The following FAXC variants were observed in gnomAD, a reference collection of about 807,000 sequenced individuals.
FAXC encodes failed axon connections homolog, metaxin like GST domain containing.
FAXC carries 10 observed loss-of-function variants against 41.9 expected under a neutral mutation model. That is an observed-to-expected ratio of 0.24 (90% CI 0.15 to 0.41). FAXC has a LOEUF of 0.41. Among genes scored for constraint, FAXC ranks in the 10% least tolerant of loss-of-function variants. The probability of loss-of-function intolerance (pLI) is 1.00; values close to 1 mark genes in which losing one functional copy is unlikely to be tolerated. For missense variants in FAXC, 399 were observed against 510.9 expected (o/e 0.78, Z 2.11); for synonymous variants, 183 against 183.8 (o/e 1.00, Z 0.03).
intron 5 of FAXC, among the ~76,000 whole-genome samples, chr6:99,282,006 T>C (rs1261687875): frequency 1.3e-5 from 2 of 152,204 alleles, no homozygotes; most frequent in Non-Finnish European, 1.5e-5. Context: ...TAGGTTTTTA[T>C]GCACATAATA....
chr6:99,291,548 G>T (rs1771241340), intron 5 of FAXC, among the ~76,000 whole-genome samples, 156 bp downstream of exon 5: 1 of 152,204 alleles, frequency 6.6e-6, no homozygotes, highest in Non-Finnish European at 1.5e-5. Context: ...AGTATCCTGA[G>T]TACAGAGAAC....
intron 2 of FAXC, among the ~76,000 whole-genome samples, chr6:99,342,641 G>C (rs997138193): frequency 3.3e-5 from 5 of 152,174 alleles, no homozygotes; most frequent in African/African-American, 1.2e-4. Context: ...ACCGTGCCCA[G>C]CCCAAAGAAT....
At chr6:99,298,383 A>G (rs1182289032) in intron 4 of FAXC, among the ~76,000 whole-genome samples, 4 of 152,058 alleles carry the variant, frequency 2.6e-5, no homozygotes, top group African/African-American at 7.2e-5. Context: ...AAAGCTTTTT[A>G]AAAACACTAA....
chr6:99,280,995 T>C lies in FAXC; in HGVS notation c.*169A>G. ...TTCAATGGAGTCATCTGAATGGTTC[T>C]GTGTTTTGTTTGTACAAAAAAGAAA... On this transcript the variant is annotated 3_prime_UTR_variant, in exon 6 of 6. Transcript: ENST00000389677. The C allele has an allele frequency of 1.7e-6, 1 of 596,654 alleles. No homozygotes were observed. 37.0% of individuals were successfully genotyped at this position (596,654 alleles called of 1,614,324 possible).
At position 99,274,384 on chromosome 6, in the gene FAXC, A is replaced by G. The variant is rs1257613325; in HGVS notation, c.*6780T>C. The G allele has an allele frequency of 6.6e-6, 1 of 152,008 alleles. No individual in the cohort carries two copies. The highest frequency in any genetic ancestry group is 1.5e-5 in the Non-Finnish European group (1 of 67,996). 9.4% of individuals were successfully genotyped at this position (152,008 alleles called of 1,614,324 possible). A position where few individuals can be genotyped will look rare whatever the true frequency, so the allele number is the denominator to read the frequency against. ...CACCTAGAAAACTTTCAATTGCCTGATACATCTCTACCACAGCCATACCAC... is the reference window on the plus strand; with the variant it reads ...CACCTAGAAAACTTTCAATTGCCTGGTACATCTCTACCACAGCCATACCAC... On this transcript the variant is annotated 3_prime_UTR_variant, in exon 6 of 6. Transcript: ENST00000389677.
intron 4 of FAXC, among the ~76,000 whole-genome samples, chr6:99,308,946 C>T (rs1772046306): frequency 6.6e-6 from 1 of 151,942 alleles, no homozygotes; most frequent in Admixed American, 6.6e-5. Flanking sequence ...TTAGGTTGAC[C>T]AAGCACCAAA....
chr6:99,298,850 T>C (rs1027177709), intron 4 of FAXC, among the ~76,000 whole-genome samples: 1 of 152,172 alleles, frequency 6.6e-6, no homozygotes, highest in African/African-American at 2.4e-5. Context: ...ACAAGTAATG[T>C]GGACAGAACC....
intron 4 of FAXC, among the ~76,000 whole-genome samples, chr6:99,316,157 G>GCCC (rs71021722): frequency 5.5e-5 from 8 of 146,244 alleles, no homozygotes; most frequent in South Asian, 2.2e-4. Flanking sequence ...TAACCCACTC[G>GCCC]CCCCCCCCCA....
At chr6:99,348,356 C>A (rs2128466861) in intron 1 of FAXC, among the ~76,000 whole-genome samples, 1 of 152,290 alleles carries the variant, frequency 6.6e-6, no homozygotes, top group East Asian at 1.9e-4. Flanking sequence ...AATCTCGTCC[C>A]GGCTGGATGT....
intron 1 of FAXC, among the ~76,000 whole-genome samples, chr6:99,343,913 T>G (rs943150453): frequency 6.6e-6 from 1 of 152,186 alleles, no homozygotes; most frequent in Non-Finnish European, 1.5e-5. Flanking sequence ...GCTTTTCCCC[T>G]TTCTCCTGTC....
chr6:99,334,513 G>A (rs1227394282), intron 2 of FAXC: 2 of 493,088 alleles, frequency 4.1e-6, no homozygotes, highest in Non-Finnish European at 5.3e-6. Flanking sequence ...CATTATCCCT[G>A]ATGTTACCCC....
intron 4 of FAXC, among the ~76,000 whole-genome samples, chr6:99,293,322 C>T (rs1215497691): frequency 6.6e-6 from 1 of 152,214 alleles, no homozygotes; most frequent in Non-Finnish European, 1.5e-5. Flanking sequence ...CCAACTGCTA[C>T]ACCTTTGCTC....
At chr6:99,284,559 CTGTGTGTGTGTG>C (rs74553398) in intron 5 of FAXC, among the ~76,000 whole-genome samples, 1,393 of 118,898 alleles carry the variant, frequency 0.012, 24 homozygotes, top group African/African-American at 0.047. Context: ...TGTGGAGTGT[CTGTGTGTGTGTG>C]TGTGTGTGTG....
intron 4 of FAXC, among the ~76,000 whole-genome samples, chr6:99,313,216 C>T (rs1772214864): frequency 6.6e-6 from 1 of 152,148 alleles, no homozygotes; most frequent in African/African-American, 2.4e-5. Context: ...TCGCTTGAGC[C>T]CAGGAGATCA....
In FAXC at chr6:99,349,457, A is replaced by C; in HGVS notation, c.-85T>G. On this transcript the variant is annotated 5_prime_UTR_variant, in exon 1 of 6. Transcript: ENST00000389677. ...CCGGCGCGGCCCGGCGCGGGCTCAG[A>C]GGCGCGCGGAGGGCGCGGGCGGCGC... is the stretch of plus-strand genomic sequence containing the variant. The C allele has an allele frequency of 7.0e-6, 7 of 1,002,456 alleles. No homozygotes were observed. Among genetic ancestry groups the C allele is most frequent in the Non-Finnish European group, 8.4e-6 (7 of 836,792 alleles). The allele number at this position is 1,002,456 out of a possible 1,614,324, so 62.1% of individuals were successfully genotyped here. A position where few individuals can be genotyped will look rare whatever the true frequency, so the allele number is the denominator to read the frequency against.
chr6:99,310,314 C>T (rs1199625533), intron 4 of FAXC, among the ~76,000 whole-genome samples: 1 of 152,218 alleles, frequency 6.6e-6, no homozygotes, highest in Non-Finnish European at 1.5e-5. Context: ...AACCAAGGCA[C>T]AGTGCCCTCA....
intron 3 of FAXC, among the ~76,000 whole-genome samples, chr6:99,325,222 T>C (rs1772753413): frequency 6.6e-6 from 1 of 152,122 alleles, no homozygotes; most frequent in South Asian, 2.1e-4. Context: ...AAAAGGCATT[T>C]TGATCATTGT....
intron 4 of FAXC, among the ~76,000 whole-genome samples, chr6:99,312,031 C>T (rs1239171207): frequency 6.6e-6 from 1 of 152,226 alleles, no homozygotes; most frequent in African/African-American, 2.4e-5. Context: ...TGACCAGCCT[C>T]CTCTGGAAAC....
Position 99,311,092 on chromosome 6 carries a change from A to G in FAXC, c.823+12352T>C, listed in dbSNP as rs1416236073. 2.0e-5 allele frequency among the ~76,000 whole-genome samples: 3 copies of G among 152,252 alleles called. No individual in the cohort carries two copies. The South Asian group carries it at 6.2e-4, about 31-fold the overall frequency. On this transcript the variant is annotated intron_variant, in intron 4 of 5. Transcript: ENST00000389677. ...TGTTCAAAGCATAGATTTAGTAACAATGGATGTAGAGTAGTGCTGTAAACA... is the reference window on the plus strand; with the variant it reads ...TGTTCAAAGCATAGATTTAGTAACAGTGGATGTAGAGTAGTGCTGTAAACA...
Sources: gnomAD v4.1 joint callset for allele counts (sites outside exome capture counted in the v4.1 genomes callset) on GRCh38, gnomAD v4.1.1 for gene constraint, MANE v1.5 for transcripts, NCBI Gene and HGNC (gene_info 2026-07-23, HGNC 2026-07-21) for gene names.